UFD1: variants seen among roughly 807,000 people sequenced by gnomAD.
UFD1 encodes ubiquitin recognition factor in ER associated degradation 1.
Under a neutral mutation model 45.9 loss-of-function variants are expected in UFD1, and 13 were observed. That is an observed-to-expected ratio of 0.28 (90% CI 0.18 to 0.45). The LOEUF (loss-of-function observed/expected upper bound fraction) is 0.45. Ranked by LOEUF, UFD1 falls within the 20% of genes least tolerant of loss-of-function variation. UFD1 has a pLI of 1.00. For missense variants in UFD1, 218 were observed against 389.2 expected (o/e 0.56, Z 3.70); for synonymous variants, 128 against 139.2 (o/e 0.92, Z 0.56).
chr22:19,461,459 T>C (rs1479196057), intron 6 of UFD1, among the ~76,000 whole-genome samples: 2 of 152,228 alleles, frequency 1.3e-5, no homozygotes, highest in African/African-American at 2.4e-5. Flanking sequence ...CAATGCCATA[T>C]GGTGTCTTAA....
At chr22:19,477,081 T>C (rs925544487) in intron 1 of UFD1, among the ~76,000 whole-genome samples, 2 of 151,912 alleles carry the variant, frequency 1.3e-5, no homozygotes, top group East Asian at 1.9e-4. Flanking sequence ...ATAAAACAAT[T>C]ACAACAATAT....
intron 6 of UFD1, among the ~76,000 whole-genome samples, chr22:19,464,725 G>A (rs1165336891): frequency 6.6e-6 from 1 of 152,192 alleles, no homozygotes. Context: ...GAGGAGAGGT[G>A]AGCCTAGGAG....
chr22:19,474,006 G>A (rs2089863915), intron 3 of UFD1, among the ~76,000 whole-genome samples: 2 of 152,208 alleles, frequency 1.3e-5, no homozygotes, highest in Admixed American at 6.5e-5. Context: ...CCTTGATTGG[G>A]TTGTCCATGA....
At chr22:19,475,639 G>C in intron 1 of UFD1, 37 bp from the exon 2 acceptor site, 1 of 1,611,552 alleles carries the variant, frequency 6.2e-7, no homozygotes, top group Non-Finnish European at 8.5e-7. Flanking sequence ...TTAAAACAAA[G>C]GTACATTTCT....
chr22:19,450,662 G>A lies in UFD1; in HGVS notation c.*8C>T. ...TTTATTATTTTCCAATCAGCCAACA[G>A]TCCTCACTTAGGGCTTTCTTCCCTT... On this transcript the variant is annotated 3_prime_UTR_variant, in exon 12 of 12. Coordinates refer to ENST00000263202, the MANE Select transcript of UFD1 (RefSeq NM_005659.7). The A allele has an allele frequency of 6.2e-7, 1 of 1,614,128 alleles. No homozygotes were observed. Among genetic ancestry groups the A allele is most frequent in the South Asian group, 1.1e-5 (1 of 91,078 alleles).
chr22:19,452,185 T>A (rs980025325), intron 11 of UFD1: 1 of 155,930 alleles, frequency 6.4e-6, no homozygotes, highest in African/African-American at 2.4e-5. Flanking sequence ...AGGATCAAGG[T>A]GTCAGCAGGT....
chr22:19,455,615 G>T, intron 10 of UFD1, 65 bp downstream of exon 10: 1 of 1,528,868 alleles, frequency 6.5e-7, no homozygotes, highest in Middle Eastern at 2.1e-4. Context: ...GGGTGAGGCT[G>T]CCCGACCCCA....
At chr22:19,468,741 T>C (rs117062301) in intron 4 of UFD1, among the ~76,000 whole-genome samples, 1,741 of 152,258 alleles carry the variant, frequency 0.011, 17 homozygotes, top group Non-Finnish European at 0.018. Flanking sequence ...CACCGAGCCC[T>C]GACAGTTGGA....
chr22:19,452,889 G>A, intron 11 of UFD1: 1 of 222,356 alleles, frequency 4.5e-6, no homozygotes, highest in Non-Finnish European at 7.6e-6. Flanking sequence ...ATCTTTCTTT[G>A]CCTCAAAGTG....
At position 19,461,113 on chromosome 22, in the gene UFD1, T is replaced by C. The variant is rs143977096; in HGVS notation, c.496-2974A>G. Reference sequence around the variant, plus strand: ...ACTCTAAGTACTCATGTAAGCGGAATGTAGTATTTGTCTGTCTGCATCTGG... The same window carrying C: ...ACTCTAAGTACTCATGTAAGCGGAACGTAGTATTTGTCTGTCTGCATCTGG... On this transcript the variant is annotated intron_variant, in intron 6 of 11. Transcript: ENST00000263202. Among the ~76,000 whole-genome samples, 31 of 152,326 alleles carry C rather than the reference T, an allele frequency of 2.0e-4. 1 individual carries two copies.
At chr22:19,473,323 C>T (rs978091942) in intron 3 of UFD1, among the ~76,000 whole-genome samples, 3 of 152,218 alleles carry the variant, frequency 2.0e-5, no homozygotes, top group Non-Finnish European at 4.4e-5. Context: ...TACCCCCTCA[C>T]TTTCTCCAAA....
At chr22:19,454,507 G>T in intron 11 of UFD1, 2 of 864,852 alleles carry the variant, frequency 2.3e-6, no homozygotes, top group Non-Finnish European at 3.2e-6. Flanking sequence ...TTCTCTGCCT[G>T]CTACCATCCA....
chr22:19,460,801 C>T (rs2089760631), intron 6 of UFD1, among the ~76,000 whole-genome samples: 1 of 151,580 alleles, frequency 6.6e-6, no homozygotes, highest in African/African-American at 2.4e-5. Context: ...GCTCAGTCCC[C>T]CAGGCTGGAG....
chr22:19,458,509 T>C (rs2089741107), intron 6 of UFD1, among the ~76,000 whole-genome samples: 1 of 152,238 alleles, frequency 6.6e-6, no homozygotes, highest in South Asian at 2.1e-4. Flanking sequence ...AGTGGTGCGA[T>C]CTTGGCTCAC....
rs2089765573 is a variant in UFD1, at chr22:19,461,421, C to T, written c.496-3282G>A. ...GATTCTTTGTATATAAAGCTTTCTTCCACTGGCCTACTTGTCTACTCCAGA... is the reference window on the plus strand; with the variant it reads ...GATTCTTTGTATATAAAGCTTTCTTTCACTGGCCTACTTGTCTACTCCAGA... On this transcript the variant is annotated intron_variant, in intron 6 of 11. Coordinates refer to ENST00000263202, the MANE Select transcript of UFD1 (RefSeq NM_005659.7). Among the ~76,000 whole-genome samples, 3 of 152,180 alleles carry T rather than the reference C, an allele frequency of 2.0e-5. No individual in the cohort carries two copies. The South Asian group carries it at 6.2e-4, about 32-fold the overall frequency.
At chr22:19,465,324 T>C (rs1211165001) in intron 5 of UFD1, 50 bp from the exon 6 acceptor site, 1 of 1,518,692 alleles carries the variant, frequency 6.6e-7, no homozygotes. Flanking sequence ...TACCTTAATC[T>C]GAAACAAGTT....
intron 3 of UFD1, among the ~76,000 whole-genome samples, chr22:19,473,317 C>G (rs529522469): frequency 6.6e-6 from 1 of 152,270 alleles, no homozygotes; most frequent in African/African-American, 2.4e-5. Context: ...CCTCTGTACC[C>G]CCTCACTTTC....
chr22:19,459,440 C>A (rs2089748374), intron 6 of UFD1, among the ~76,000 whole-genome samples: 1 of 152,078 alleles, frequency 6.6e-6, no homozygotes, highest in Non-Finnish European at 1.5e-5. Context: ...TGGTGAAGAC[C>A]CGTCTCTACT....
intron 6 of UFD1, among the ~76,000 whole-genome samples, chr22:19,462,413 C>T (rs2089774297): frequency 6.6e-6 from 1 of 152,276 alleles, no homozygotes; most frequent in South Asian, 2.1e-4. Flanking sequence ...CATCTATAAT[C>T]CCAGCACTTT....
Sources: allele counts gnomAD v4.1 joint callset (sites outside exome capture counted in the v4.1 genomes callset), GRCh38; gene constraint gnomAD v4.1.1; transcripts MANE v1.5; gene names NCBI Gene and HGNC (gene_info 2026-07-23, HGNC 2026-07-21).